The following CHD7 variants were observed in gnomAD, a reference collection of about 807,000 sequenced individuals.
CHD7 encodes the protein chromodomain helicase DNA binding protein 7, also known as ATP-dependent chromatin remodeler CHD7.
CHD7 carries 24 observed loss-of-function variants against 307.3 expected under a neutral mutation model. The ratio of observed to expected loss-of-function variants is 0.08; its 90% CI spans 0.06 to 0.11. The LOEUF is 0.11. Ranked by LOEUF, CHD7 falls within the 10% of genes least tolerant of loss-of-function variation. The pLI, the probability that CHD7 is intolerant of heterozygous loss-of-function variation, is 1.00. For synonymous variants in CHD7, 1,363 were observed against 1,349.9 expected (o/e 1.01, Z -0.21); for missense variants, 3,106 against 3,727.1 (o/e 0.83, Z 4.34).
chr8:60,714,406 G>GCCCCCC (rs71245516), intron 1 of CHD7, among the ~76,000 whole-genome samples: 330 of 17,628 alleles, frequency 0.019, 125 homozygotes, highest in Non-Finnish European at 0.025. Flanking sequence ...CCGGGAGAAG[G>GCCCCCC]CCCCCCCCCC....
At chr8:60,858,112 C>G (rs913846739) in intron 34 of CHD7, among the ~76,000 whole-genome samples, 3 of 152,220 alleles carry the variant, frequency 2.0e-5, no homozygotes, top group Admixed American at 1.3e-4. Flanking sequence ...AAAAATTAGC[C>G]TGGTCTGGTA....
intron 2 of CHD7, among the ~76,000 whole-genome samples, chr8:60,756,266 G>A (rs1809886146): frequency 6.6e-6 from 1 of 152,128 alleles, no homozygotes; most frequent in South Asian, 2.1e-4. Context: ...CTCTTAATAG[G>A]TGGCCCTGAA....
chr8:60,852,250 G>C lies in CHD7; in HGVS notation c.5894+3G>C. On this transcript the variant is annotated splice_donor_region_variant and intron_variant, in intron 29 of 37. Transcript: ENST00000423902. Reference sequence around the variant, plus strand: ...ATTATATCTGAGAAGCGGCAAAAGTGAGTTTCTTCAAGGTTTCCACTCAGC... The same window carrying C: ...ATTATATCTGAGAAGCGGCAAAAGTCAGTTTCTTCAAGGTTTCCACTCAGC... The C allele has an allele frequency of 6.2e-7, 1 of 1,611,032 alleles. No homozygotes were observed. The highest frequency in any genetic ancestry group is 8.5e-7 in the Non-Finnish European group (1 of 1,178,488).
intron 32 of CHD7, 135 bp from the exon 33 acceptor site, chr8:60,855,840 T>G: frequency 1.6e-6 from 1 of 630,994 alleles, no homozygotes. Flanking sequence ...TTTCTTGCCT[T>G]GTTTTCTTTT....
intron 1 of CHD7, among the ~76,000 whole-genome samples, chr8:60,714,457 T>A: frequency 8.6e-6 from 1 of 116,440 alleles, no homozygotes; most frequent in Non-Finnish European, 1.7e-5. Context: ...CTCTGGACGC[T>A]GAGACTGGGA....
chr8:60,724,795 A>G (rs1267085997), intron 1 of CHD7, among the ~76,000 whole-genome samples: 7 of 152,250 alleles, frequency 4.6e-5, no homozygotes. Flanking sequence ...TAACATTTAT[A>G]AACTTAATTT....
At chr8:60,782,127 T>G (rs1245708060) in intron 3 of CHD7, among the ~76,000 whole-genome samples, 2 of 152,238 alleles carry the variant, frequency 1.3e-5, no homozygotes, top group Non-Finnish European at 2.9e-5. Context: ...TAGTGAATGT[T>G]TCTTACAACT....
At chr8:60,681,176 C>G (rs1805607319) in intron 1 of CHD7, among the ~76,000 whole-genome samples, 1 of 152,178 alleles carries the variant, frequency 6.6e-6, no homozygotes, top group South Asian at 2.1e-4. Flanking sequence ...ACCTTAGCAG[C>G]ATGGCTACCT....
intron 13 of CHD7, chr8:60,825,363 C>G (rs1191947277): frequency 1.3e-5 from 2 of 152,180 alleles, no homozygotes; most frequent in African/African-American, 4.8e-5. Context: ...TGGGATTTCC[C>G]ATTTTTCTTC....
chr8:60,845,475 G>A lies in CHD7; in HGVS notation c.5210+66G>A. The A allele has an allele frequency of 2.6e-6, 4 of 1,527,802 alleles. No homozygotes were observed. In the South Asian group the frequency reaches 4.8e-5, roughly 18 times the overall value. 94.6% of individuals were successfully genotyped at this position (1,527,802 alleles called of 1,614,324 possible). A position where few individuals can be genotyped will look rare whatever the true frequency, so the allele number is the denominator to read the frequency against. ...TTTTATTCTTTAAAAAATACATGCA[G>A]CCGGCCCTTCACGTCTGCAGATGCA... On this transcript the variant is annotated intron_variant, in intron 23 of 37. Transcript: ENST00000423902.
chr8:60,805,784 C>A (rs565401106), intron 6 of CHD7, among the ~76,000 whole-genome samples: 1 of 152,090 alleles, frequency 6.6e-6, no homozygotes, highest in South Asian at 2.1e-4. Flanking sequence ...CGAGCATAGA[C>A]ATGATAAATC....
At chr8:60,756,639 C>T (rs1563574070) in intron 2 of CHD7, among the ~76,000 whole-genome samples, 1 of 152,248 alleles carries the variant, frequency 6.6e-6, no homozygotes, top group East Asian at 1.9e-4. Flanking sequence ...ATAATTGCAC[C>T]TGTGAATAGC....
At chr8:60,808,306 G>C (rs376553364) in intron 7 of CHD7, 34 bp downstream of exon 7, 47 of 1,259,492 alleles carry the variant, frequency 3.7e-5, no homozygotes, top group Non-Finnish European at 4.8e-5. Context: ...TTAATGGGGG[G>C]CTATATTTTC....
intron 34 of CHD7, 98 bp downstream of exon 34, chr8:60,856,986 T>C: frequency 1.8e-6 from 2 of 1,093,622 alleles, no homozygotes; most frequent in Non-Finnish European, 2.6e-6. Context: ...TCAGCAGCAT[T>C]GTATGAAAGC....
intron 17 of CHD7, among the ~76,000 whole-genome samples, chr8:60,837,213 G>C (rs1307977996): frequency 6.6e-6 from 1 of 152,182 alleles, no homozygotes; most frequent in African/African-American, 2.4e-5. Context: ...CTTCTAAACT[G>C]CACCTCTATT....
chr8:60,737,881 T>C (rs977449826), intron 1 of CHD7, among the ~76,000 whole-genome samples: 4 of 152,330 alleles, frequency 2.6e-5, no homozygotes, highest in South Asian at 2.1e-4. Context: ...ATAAGCTCCA[T>C]GAGGACAAGA....
rs1212851730 is a variant in CHD7, at chr8:60,851,314, C to A, written c.5660C>A (p.Ala1887Asp). Residue 1887 changes from alanine to aspartate, a missense_variant, in exon 28 of 38, where the codon GCC (alanine) becomes GAC (aspartate). By Grantham distance (126) the Ala-to-Asp change is moderately radical. Coordinates refer to ENST00000423902, the MANE Select transcript of CHD7 (RefSeq NM_017780.4). ...AAGGAAGAATCCATGGAAATACATG[C>A]CACAGGTAAGGTCCCAGAAAAGCTT... ...EDKEESMEIH[A>D]TGKHSESNAE... 1.9e-6 allele frequency: 3 copies of A among 1,558,640 alleles called. No homozygotes were observed.
chr8:60,863,530 C>G (rs1337380552), intron 37 of CHD7: 1 of 152,030 alleles, frequency 6.6e-6, no homozygotes, highest in East Asian at 1.9e-4. Context: ...CTGCTATAAG[C>G]AATTGTGTAC....
chr8:60,758,548 A>G (rs765394835), intron 2 of CHD7, among the ~76,000 whole-genome samples: 1 of 152,216 alleles, frequency 6.6e-6, no homozygotes, highest in African/African-American at 2.4e-5. Context: ...TTGAGAGCTC[A>G]TATTTTATTA....
Sources: allele counts gnomAD v4.1 joint callset (sites outside exome capture counted in the v4.1 genomes callset), GRCh38; gene constraint gnomAD v4.1.1; transcripts MANE v1.5; gene names NCBI Gene and HGNC (gene_info 2026-07-23, HGNC 2026-07-21).